Variants in RIC1 observed in about 807,000 individuals in gnomAD.
RIC1 encodes the protein guanine nucleotide exchange factor subunit RIC1.
A neutral mutation model predicts 169.0 loss-of-function variants in RIC1; 88 were observed. The ratio of observed to expected loss-of-function variants is 0.52; its 90% CI spans 0.44 to 0.62. RIC1 has a LOEUF of 0.62. RIC1 is among the 20% of genes least tolerant of loss of function. The pLI, the probability that RIC1 is intolerant of heterozygous loss-of-function variation, is 0.00. For missense variants in RIC1, 1,877 were observed against 1,725.5 expected, an observed-to-expected ratio of 1.09 and a Z score of -1.56; for synonymous variants, 790 against 601.5, an observed-to-expected ratio of 1.31 and a Z score of -4.59.
intron 3 of RIC1, among the ~76,000 whole-genome samples, chr9:5,709,784 T>C (rs1586991675): frequency 6.6e-6 from 1 of 152,310 alleles, no homozygotes; most frequent in East Asian, 1.9e-4. Flanking sequence ...TGCTCTATTT[T>C]AGTATGTTTG....
At chr9:5,717,708 G>A (rs778441973) in intron 4 of RIC1, among the ~76,000 whole-genome samples, 42 of 151,960 alleles carry the variant, frequency 2.8e-4, no homozygotes, top group South Asian at 2.1e-4. Flanking sequence ...AGCTGGGCGT[G>A]GTGGCGCATG....
At chr9:5,643,321 T>C (rs976165430) in intron 1 of RIC1, among the ~76,000 whole-genome samples, 11 of 152,142 alleles carry the variant, frequency 7.2e-5, no homozygotes, top group Non-Finnish European at 1.3e-4. Context: ...CTTTCTTTTT[T>C]TCATAGATCA....
At position 5,656,589 on chromosome 9, in the gene RIC1, G is replaced by A; in HGVS notation, c.151G>A (p.Val51Met). ...RLSIWYSRPS[V>M]LIVTYKEPAK... ...TTTTTTTTTAATCACACAGCCTAGT[G>A]TGTTAATTGTAACCTACAAGGAGCC... Residue 51 changes from valine (V) to methionine (M), a missense_variant, in exon 2 of 26, where the codon GTG (valine) becomes ATG (methionine). This residue lies in a region of RIC1 where 1,104 missense variants were observed against 992.0 expected (regional missense o/e 1.11). Transcript: ENST00000414202. 6.4e-7 allele frequency: 1 copy of A among 1,563,974 alleles called. No homozygotes were observed. The highest frequency in any genetic ancestry group is 8.7e-7 in the Non-Finnish European group (1 of 1,146,228).
chr9:5,667,834 A>T (rs551723655), intron 2 of RIC1, among the ~76,000 whole-genome samples: 2 of 152,086 alleles, frequency 1.3e-5, no homozygotes, highest in South Asian at 4.1e-4. Context: ...GTGGATGTCT[A>T]CTGTTCCAAC....
chr9:5,713,978 C>A lies in RIC1; in HGVS notation c.415C>A (p.Leu139Met), dbSNP rs1240843850. ...ATTAAATTTGGAGATGAGGAAAATA[C>A]TGGATTTACAAGCACCCATCATGAG... ...PALNLEMRKI[L>M]DLQAPIMSLQ... The change falls in exon 4 of 26, where the codon CTG (leucine) becomes ATG (methionine). Residue 139 changes from leucine (L) to methionine (M), a missense_variant. Leu to Met is a conservative substitution (Grantham distance 15). Coordinates refer to ENST00000414202, the MANE Select transcript of RIC1 (RefSeq NM_020829.4). 3.1e-6 allele frequency: 5 copies of A among 1,612,040 alleles called. No homozygotes were observed. The African/African-American group carries it at 6.7e-5, about 22-fold the overall frequency.
intron 1 of RIC1, among the ~76,000 whole-genome samples, chr9:5,639,479 T>C (rs1307629682): frequency 6.6e-6 from 1 of 152,240 alleles, no homozygotes; most frequent in Non-Finnish European, 1.5e-5. Flanking sequence ...TTCAGTTTTT[T>C]TGAATATTTT....
At chr9:5,720,945 C>T (rs962137359) in intron 6 of RIC1, among the ~76,000 whole-genome samples, 195 bp downstream of exon 6, 1 of 152,120 alleles carries the variant, frequency 6.6e-6, no homozygotes, top group Non-Finnish European at 1.5e-5. Context: ...GATTCCTGTT[C>T]TCCTCCCTGC....
Position 5,762,468 on chromosome 9 carries a change from A to T in RIC1, c.1993-73A>T. ...GTAGATTGTTTGACCTATAAACCTT[A>T]TGGATTGGGGGGAGATGCGGAAAGC... On this transcript the variant is annotated intron_variant, in intron 17 of 25. Coordinates refer to ENST00000414202, the MANE Select transcript of RIC1 (RefSeq NM_020829.4). 7 of 1,562,574 alleles carry T rather than the reference A, an allele frequency of 4.5e-6. No homozygotes were observed. The South Asian group carries it at 8.1e-5, about 18-fold the overall frequency.
At position 5,763,228 on chromosome 9, in the gene RIC1, T is replaced by C. The variant is rs1826455912; in HGVS notation, c.2201T>C (p.Leu734Pro). 6.2e-7 allele frequency: 1 copy of C among 1,614,174 alleles called. No individual in the cohort carries two copies. The highest frequency in any genetic ancestry group is 8.5e-7 in the Non-Finnish European group (1 of 1,180,024). ...CRANKQKRHL[L>P]EALWLSCGGA... ...GCAAATAAACAGAAACGTCACCTTCTGGAGGCCCTCTGGCTGAGCTGTGGT... is the reference window on the plus strand; with the variant it reads ...GCAAATAAACAGAAACGTCACCTTCCGGAGGCCCTCTGGCTGAGCTGTGGT... The change falls in exon 19 of 26, where the codon CTG becomes CCG. Residue 734 changes from leucine (L) to proline (P), a missense_variant. Transcript: ENST00000414202. This position sits in a 1 kb window ranked among gnomAD's most constrained non-coding sequence, Gnocchi z 5.2.
At chr9:5,697,552 C>T (rs1821975283) in intron 3 of RIC1, among the ~76,000 whole-genome samples, 1 of 152,138 alleles carries the variant, frequency 6.6e-6, no homozygotes, top group South Asian at 2.1e-4. Context: ...TCCAAGATAT[C>T]ATTATTTCAT....
At chr9:5,630,878 A>T (rs541081986) in intron 1 of RIC1, among the ~76,000 whole-genome samples, 2 of 152,360 alleles carry the variant, frequency 1.3e-5, no homozygotes, top group Non-Finnish European at 2.9e-5. Flanking sequence ...TTAGGTGTAT[A>T]TAACTCAACT....
At chr9:5,685,896 C>G (rs1220188161) in intron 2 of RIC1, among the ~76,000 whole-genome samples, 3 of 146,534 alleles carry the variant, frequency 2.0e-5, no homozygotes, top group Non-Finnish European at 3.0e-5. Flanking sequence ...GGGCTAATAT[C>G]CAGAATCTAC....
intron 3 of RIC1, among the ~76,000 whole-genome samples, chr9:5,696,576 C>G (rs1277321677): frequency 1.3e-5 from 2 of 151,290 alleles, no homozygotes; most frequent in African/African-American, 2.4e-5. Flanking sequence ...ATTTACACTA[C>G]TAATTCATCA....
intron 2 of RIC1, among the ~76,000 whole-genome samples, chr9:5,659,225 T>G (rs1171539098): frequency 6.6e-6 from 1 of 152,168 alleles, no homozygotes; most frequent in Non-Finnish European, 1.5e-5. Context: ...TGGGGTTATT[T>G]CTGGATGCTC....
chr9:5,631,381 G>T (rs866058560), intron 1 of RIC1, among the ~76,000 whole-genome samples: 1 of 152,112 alleles, frequency 6.6e-6, no homozygotes, highest in Non-Finnish European at 1.5e-5. Context: ...GAATACCTTA[G>T]AGGAGGCTGT....
chr9:5,659,927 C>T (rs1225544877), intron 2 of RIC1, among the ~76,000 whole-genome samples: 1 of 152,032 alleles, frequency 6.6e-6, no homozygotes, highest in African/African-American at 2.4e-5. Flanking sequence ...TTTCCTTGCA[C>T]AGATTATGCC....
chr9:5,639,604 TG>T (rs1210909406), intron 1 of RIC1, among the ~76,000 whole-genome samples: 1 of 152,228 alleles, frequency 6.6e-6, no homozygotes, highest in Non-Finnish European at 1.5e-5. Flanking sequence ...TAGGTCCATT[TG>T]TTGTATAGTG....
intron 6 of RIC1, 83 bp from the exon 7 acceptor site, chr9:5,732,305 A>G (rs553215764): frequency 5.7e-5 from 58 of 1,016,760 alleles, no homozygotes; most frequent in Non-Finnish European, 8.4e-5. Flanking sequence ...ATGAAATTGT[A>G]TGTTTATTGA....
intron 1 of RIC1, among the ~76,000 whole-genome samples, chr9:5,634,088 T>C (rs1015571018): frequency 2.6e-5 from 4 of 152,240 alleles, no homozygotes; most frequent in African/African-American, 9.6e-5. Context: ...GAATAATATT[T>C]TATGTGTGTA....
Sources: gnomAD v4.1 joint callset for allele counts (sites outside exome capture counted in the v4.1 genomes callset) on GRCh38, gnomAD v4.1.1 for gene constraint, gnomAD v4.1.1 regional missense constraint, Gnocchi (gnomAD v3.1) non-coding constraint, MANE v1.5 for transcripts, NCBI Gene and HGNC (gene_info 2026-07-23, HGNC 2026-07-21) for gene names.